Variants in CSNK2A2IP observed in about 807,000 individuals in gnomAD.
CSNK2A2IP encodes the protein casein kinase 2 subunit alpha' interacting protein, also known as casein kinase II subunit alpha'-interacting protein.
the CSNK2A2IP span, among the ~76,000 whole-genome samples, chr3:88,386,336 G>A: frequency 1.3e-5 from 2 of 152,162 alleles, no homozygotes; most frequent in African/African-American, 4.8e-5. Flanking sequence ...ATGTTGGCCG[G>A]GCCAGTCTCA....
the CSNK2A2IP span, among the ~76,000 whole-genome samples, chr3:88,392,813 T>C: frequency 2.0e-5 from 3 of 152,176 alleles, no homozygotes; most frequent in Non-Finnish European, 4.4e-5. Context: ...AACTGGGCTA[T>C]TGGGTTGAGG....
At chr3:88,355,104 G>T in the CSNK2A2IP span, among the ~76,000 whole-genome samples, 66,597 of 151,874 alleles carry the variant, frequency 0.44, 15,849 homozygotes, top group South Asian at 0.62. Flanking sequence ...CTTAAGAGTC[G>T]TTATGTCATT....
At chr3:88,395,050 T>C in the CSNK2A2IP span, among the ~76,000 whole-genome samples, 1,808 of 152,296 alleles carry the variant, frequency 0.012, 34 homozygotes, top group African/African-American at 0.041. Context: ...AAAAAGTCCT[T>C]TGTTCTGTTT....
At chr3:88,368,818 A>C in the CSNK2A2IP span, among the ~76,000 whole-genome samples, 1 of 152,028 alleles carries the variant, frequency 6.6e-6, no homozygotes, top group Non-Finnish European at 1.5e-5. Flanking sequence ...GCCAGTAGCT[A>C]ACAGATCTTC....
At chr3:88,417,228 G>A in the CSNK2A2IP span, among the ~76,000 whole-genome samples, 6 of 152,034 alleles carry the variant, frequency 3.9e-5, no homozygotes, top group Non-Finnish European at 7.4e-5. Flanking sequence ...ATCCACATTT[G>A]TTAGTATTTA....
At chr3:88,381,126 A>T in the CSNK2A2IP span, among the ~76,000 whole-genome samples, 1 of 152,224 alleles carries the variant, frequency 6.6e-6, no homozygotes. Context: ...ATGCCAAGTT[A>T]GGGCTGGGAT....
the CSNK2A2IP span, among the ~76,000 whole-genome samples, chr3:88,391,437 A>G: frequency 1.3e-5 from 2 of 152,208 alleles, no homozygotes; most frequent in Admixed American, 6.5e-5. Flanking sequence ...ACAATAGAAA[A>G]CATAAAAGTA....
chr3:88,419,094 A>G, the CSNK2A2IP span, among the ~76,000 whole-genome samples: 342 of 152,172 alleles, frequency 2.2e-3, 1 homozygote, highest in South Asian at 0.02. Context: ...TTTCAGGAAA[A>G]CAAGCTCAGG....
At chr3:88,465,403 T>G in the CSNK2A2IP span, 10 of 1,231,526 alleles carry the variant, frequency 8.1e-6, no homozygotes, top group African/African-American at 1.6e-4. Context: ...GCCATTAGAC[T>G]ACTTCTACCA....
the CSNK2A2IP span, among the ~76,000 whole-genome samples, chr3:88,400,614 G>A: frequency 3.3e-5 from 5 of 152,050 alleles, no homozygotes; most frequent in Admixed American, 6.6e-5. Flanking sequence ...ATATGACTAC[G>A]GAAGAATGGT....
chr3:88,418,847 C>G, the CSNK2A2IP span, among the ~76,000 whole-genome samples: 1 of 152,130 alleles, frequency 6.6e-6, no homozygotes, highest in Non-Finnish European at 1.5e-5. Context: ...CTGGGCCACA[C>G]AGCAGGAGGT....
chr3:88,400,374 A>T, the CSNK2A2IP span, among the ~76,000 whole-genome samples: 672 of 152,202 alleles, frequency 4.4e-3, 2 homozygotes, highest in Middle Eastern at 0.014. Flanking sequence ...GGTAGGTGGG[A>T]GGAACAGGAG....
At chr3:88,396,202 T>G in the CSNK2A2IP span, among the ~76,000 whole-genome samples, 2 of 147,594 alleles carry the variant, frequency 1.4e-5, no homozygotes, top group African/African-American at 5.1e-5. Flanking sequence ...CCCCCTGGGG[T>G]TCACGCCATT....
the CSNK2A2IP span, among the ~76,000 whole-genome samples, chr3:88,439,667 G>T: frequency 6.6e-6 from 1 of 151,070 alleles, no homozygotes; most frequent in African/African-American, 2.4e-5. Flanking sequence ...GCTTGAACCA[G>T]GGAGTCGGAG....
the CSNK2A2IP span, among the ~76,000 whole-genome samples, chr3:88,384,401 C>T: frequency 6.6e-6 from 1 of 151,816 alleles, no homozygotes; most frequent in African/African-American, 2.4e-5. Flanking sequence ...AAACACTAGC[C>T]ATCTGAAGAG....
the CSNK2A2IP span, among the ~76,000 whole-genome samples, chr3:88,389,106 T>C: frequency 3.9e-5 from 6 of 152,042 alleles, no homozygotes; most frequent in East Asian, 1.2e-3. Flanking sequence ...ATAACTATAT[T>C]AGATGATAAT....
chr3:88,393,899 G>C, the CSNK2A2IP span, among the ~76,000 whole-genome samples: 8 of 152,110 alleles, frequency 5.3e-5, no homozygotes, highest in African/African-American at 1.9e-4. Flanking sequence ...GGATGAGGAG[G>C]GTTGGAGAGC....
At chr3:88,430,388 AAT>A in the CSNK2A2IP span, among the ~76,000 whole-genome samples, 1 of 152,110 alleles carries the variant, frequency 6.6e-6, no homozygotes, top group African/African-American at 2.4e-5. Context: ...ATAAAATAGA[AAT>A]ATATATGAGC....
the CSNK2A2IP span, among the ~76,000 whole-genome samples, chr3:88,359,034 G>T: frequency 6.7e-6 from 1 of 148,434 alleles, no homozygotes; most frequent in Non-Finnish European, 1.5e-5. Context: ...ACACTTACGC[G>T]TGCTCTTTTT....
Sources: allele counts gnomAD v4.1 joint callset (sites outside exome capture counted in the v4.1 genomes callset), GRCh38; gene constraint gnomAD v4.1.1; transcripts MANE v1.5; gene names NCBI Gene and HGNC (gene_info 2026-07-23, HGNC 2026-07-21).